PLCE1: variants seen among roughly 807,000 people sequenced by gnomAD.
PLCE1 encodes the protein phospholipase C epsilon 1.
Under a neutral mutation model 242.8 loss-of-function variants are expected in PLCE1, and 119 were observed. That is an observed-to-expected ratio of 0.49 (90% CI 0.42 to 0.57). The LOEUF is 0.57. Among genes scored for constraint, PLCE1 ranks in the 20% least tolerant of loss-of-function variants. The pLI, the probability that PLCE1 is intolerant of heterozygous loss-of-function variation, is 0.00. For synonymous variants in PLCE1, 945 were observed against 1,017.4 expected (o/e 0.93, Z 1.35); for missense variants, 2,441 against 2,788.8 (o/e 0.88, Z 2.81).
chr10:94,125,374 T>C (rs1277789160), intron 2 of PLCE1, among the ~76,000 whole-genome samples: 1 of 152,156 alleles, frequency 6.6e-6, no homozygotes, highest in Non-Finnish European at 1.5e-5. Flanking sequence ...TGTTAAGTCC[T>C]AGCTGTGTGC....
At position 94,324,839 on chromosome 10, in the gene PLCE1, C is replaced by G. The variant is rs77144524; in HGVS notation, c.6721-53C>G. The G allele has an allele frequency of 1.3e-3, 2,068 of 1,546,162 alleles. 19 individuals are homozygous for G. In the African/African-American group the frequency reaches 0.024, roughly 18 times the overall value. On this transcript the variant is annotated intron_variant, in intron 31 of 32. Coordinates refer to ENST00000371380, the MANE Select transcript of PLCE1 (RefSeq NM_016341.4). ...GCTCTTCTGAAATAGTGTCATGTGA[C>G]AGAGGAACCTGAGTTTAACCTAACA...
chr10:94,195,769 T>G (rs184508512), intron 4 of PLCE1, among the ~76,000 whole-genome samples: 1 of 152,160 alleles, frequency 6.6e-6, no homozygotes, highest in Non-Finnish European at 1.5e-5. Flanking sequence ...TCCTGACTTT[T>G]GGGAATTTCT....
intron 4 of PLCE1, among the ~76,000 whole-genome samples, chr10:94,203,433 G>GT (rs2049044792): frequency 6.6e-6 from 1 of 152,150 alleles, no homozygotes; most frequent in African/African-American, 2.4e-5. Flanking sequence ...GAAATTATTC[G>GT]TTTAAAATCT....
At chr10:93,998,328 C>A (rs1025129537) in intron 1 of PLCE1, among the ~76,000 whole-genome samples, 1 of 152,064 alleles carries the variant, frequency 6.6e-6, no homozygotes, top group South Asian at 2.1e-4. Context: ...TTTAGCGTGG[C>A]CTCTGCAGGA....
chr10:94,127,987 C>CTTTTT (rs33916545), intron 2 of PLCE1, among the ~76,000 whole-genome samples: 3 of 118,312 alleles, frequency 2.5e-5, no homozygotes, highest in Admixed American at 9.3e-5. Context: ...AATACCTTGA[C>CTTTTT]TTTTTTTTTT....
intron 20 of PLCE1, chr10:94,280,174 T>C (rs117831587): frequency 1.4e-5 from 7 of 503,828 alleles, no homozygotes; most frequent in Non-Finnish European, 2.5e-5. Flanking sequence ...AGAGATGGAA[T>C]TGCAGCAGAG....
At chr10:94,053,267 T>C (rs1399697083) in intron 2 of PLCE1, among the ~76,000 whole-genome samples, 1 of 152,186 alleles carries the variant, frequency 6.6e-6, no homozygotes, top group East Asian at 1.9e-4. Context: ...TAGAGAGTCA[T>C]GAGGATTCGG....
intron 16 of PLCE1, among the ~76,000 whole-genome samples, chr10:94,267,691 T>C (rs2051567186): frequency 6.6e-6 from 1 of 152,144 alleles, no homozygotes; most frequent in South Asian, 2.1e-4. Context: ...ACATTATTCC[T>C]GGTCTGGCAG....
At chr10:94,324,647 T>G in intron 31 of PLCE1, 80 bp downstream of exon 31, 1 of 1,245,208 alleles carries the variant, frequency 8.0e-7, no homozygotes, top group Non-Finnish European at 1.2e-6. Flanking sequence ...TGGAAGCTGG[T>G]GAAATTTAGG....
intron 2 of PLCE1, among the ~76,000 whole-genome samples, chr10:94,069,343 T>C (rs2044287397): frequency 6.6e-6 from 1 of 152,206 alleles, no homozygotes; most frequent in Non-Finnish European, 1.5e-5. Flanking sequence ...TTCATGCCTG[T>C]AATTCCAGCA....
intron 2 of PLCE1, among the ~76,000 whole-genome samples, chr10:94,114,859 C>A (rs2046071964): frequency 6.6e-6 from 1 of 151,816 alleles, no homozygotes; most frequent in African/African-American, 2.4e-5. Flanking sequence ...TGTTGGTGTG[C>A]TGCACCCATT....
In PLCE1 at chr10:94,312,576, C is replaced by CCT. The variant is rs1202713771; in HGVS notation, c.6004-677_6004-676dup. Among the ~76,000 whole-genome samples the CCT allele has an allele frequency of 5.3e-5, 8 of 152,314 alleles. No individual in the cohort carries two copies. The East Asian group carries it at 1.5e-3, about 29-fold the overall frequency. ...TTCAGAAAGCCCTCCCTGGTTTCTC[C>CCT]CTTACCTCTTCTAGGCCACCTCCTC... is the stretch of plus-strand genomic sequence containing the variant. On this transcript the variant is annotated intron_variant, in intron 27 of 32. Transcript: ENST00000371380.
chr10:94,228,922 C>T (rs2050045040), intron 5 of PLCE1, among the ~76,000 whole-genome samples: 2 of 152,246 alleles, frequency 1.3e-5, no homozygotes, highest in South Asian at 4.2e-4. Flanking sequence ...TGGCTCATGC[C>T]TGTAATCCCA....
At chr10:94,287,770 C>T (rs979683410) in intron 22 of PLCE1, among the ~76,000 whole-genome samples, 1 of 151,984 alleles carries the variant, frequency 6.6e-6, no homozygotes, top group African/African-American at 2.4e-5. Flanking sequence ...TTTATGACCC[C>T]ATCAACCTAG....
intron 2 of PLCE1, among the ~76,000 whole-genome samples, chr10:94,099,212 G>A (rs1223459665): frequency 2.0e-5 from 3 of 152,130 alleles, no homozygotes; most frequent in South Asian, 2.1e-4. Flanking sequence ...TTAAAATAGC[G>A]AGGAAAAACT....
At chr10:94,253,711 A>G (rs1446305456) in intron 9 of PLCE1, among the ~76,000 whole-genome samples, 1 of 152,032 alleles carries the variant, frequency 6.6e-6, no homozygotes, top group East Asian at 1.9e-4. Flanking sequence ...CTCACTCATC[A>G]CCAAGGGAAT....
chr10:94,270,051 G>A (rs1466896906), intron 17 of PLCE1, among the ~76,000 whole-genome samples: 1 of 152,188 alleles, frequency 6.6e-6, no homozygotes, highest in African/African-American at 2.4e-5. Context: ...GCATGGGCAT[G>A]AGTTGATAAC....
Position 94,108,953 on chromosome 10 carries a change from T to G in PLCE1, c.1207-23221T>G, listed in dbSNP as rs527391983. The G allele has an allele frequency of 2.0e-5, 3 of 152,372 alleles. No homozygotes were observed. In the South Asian group the frequency reaches 6.2e-4, roughly 32 times the overall value. The allele number at this position is 152,372 out of a possible 1,614,324, so 9.4% of individuals were successfully genotyped here. ...ATATGTCGTTTCATATTTGATAGACTTCCTTTTCTGCAATTGAAATGTAGA... is the reference window on the plus strand; with the variant it reads ...ATATGTCGTTTCATATTTGATAGACGTCCTTTTCTGCAATTGAAATGTAGA... On this transcript the variant is annotated intron_variant, in intron 2 of 32. Coordinates refer to ENST00000371380, the MANE Select transcript of PLCE1 (RefSeq NM_016341.4).
At chr10:94,307,923 A>C (rs948579269) in intron 26 of PLCE1, among the ~76,000 whole-genome samples, 4 of 152,268 alleles carry the variant, frequency 2.6e-5, no homozygotes, top group African/African-American at 9.6e-5. Flanking sequence ...TTTTTTAATT[A>C]TCCATTTTTC....
Sources: allele counts gnomAD v4.1 joint callset (sites outside exome capture counted in the v4.1 genomes callset), GRCh38; gene constraint gnomAD v4.1.1; transcripts MANE v1.5; gene names NCBI Gene and HGNC (gene_info 2026-07-23, HGNC 2026-07-21).